ZNF652: variants seen among roughly 807,000 people sequenced by gnomAD.
The protein encoded by ZNF652 is zinc finger protein 652.
Under a neutral mutation model 45.2 loss-of-function variants are expected in ZNF652, and 16 were observed. That is an observed-to-expected ratio of 0.35 (90% CI 0.24 to 0.54). The LOEUF (loss-of-function observed/expected upper bound fraction) is 0.54. Ranked by LOEUF, ZNF652 falls within the 20% of genes least tolerant of loss-of-function variation. The pLI, the probability that ZNF652 is intolerant of heterozygous loss-of-function variation, is 0.91. For missense variants in ZNF652, 614 were observed against 765.6 expected (o/e 0.80, Z 2.34); for synonymous variants, 250 against 260.6 (o/e 0.96, Z 0.39).
At chr17:49,353,034 G>GTTCC (rs1730767821) in intron 1 of ZNF652, among the ~76,000 whole-genome samples, 1 of 152,166 alleles carries the variant, frequency 6.6e-6, no homozygotes, top group Non-Finnish European at 1.5e-5. Flanking sequence ...TCCGTGTCCT[G>GTTCC]GCTGTGGTGG....
Position 49,297,041 on chromosome 17 carries a change from A to T in ZNF652, c.*1372T>A, listed in dbSNP as rs917437775. ...AATTTGCAGAGGACAGGGCAGTAAAACTTAGGAGTTTTCCCTCACTATATT... is the reference window on the plus strand; with the variant it reads ...AATTTGCAGAGGACAGGGCAGTAAATCTTAGGAGTTTTCCCTCACTATATT... On this transcript the variant is annotated 3_prime_UTR_variant, in exon 6 of 6. Coordinates refer to ENST00000430262, the MANE Select transcript of ZNF652 (RefSeq NM_001145365.3). 1 of 152,162 alleles carries T rather than the reference A, an allele frequency of 6.6e-6. No individual in the cohort carries two copies. The highest frequency in any genetic ancestry group is 1.5e-5 in the Non-Finnish European group (1 of 68,030). 9.4% of individuals were successfully genotyped at this position (152,162 alleles called of 1,614,324 possible).
chr17:49,349,176 T>A (rs1197404198), intron 1 of ZNF652, among the ~76,000 whole-genome samples: 1 of 152,206 alleles, frequency 6.6e-6, no homozygotes, highest in East Asian at 1.9e-4. Context: ...ACGCCTGTAA[T>A]CCCAGTACTT....
rs1462574826 is a variant in ZNF652 at position 49,292,504 on chromosome 17, C to T, written c.*5909G>A. On this transcript the variant is annotated 3_prime_UTR_variant, in exon 6 of 6. Coordinates refer to ENST00000430262, the MANE Select transcript of ZNF652 (RefSeq NM_001145365.3). The stretch of plus-strand genomic sequence containing the variant: ...CATGAGAGAGCAGAAACCCAGGGAG[C>T]AATTTTAAATTAATTTGACTAAAAT... Among the ~76,000 whole-genome samples the T allele has an allele frequency of 6.6e-6, 1 of 152,050 alleles. No homozygotes were observed. Among genetic ancestry groups the T allele is most frequent in the African/African-American group, 2.4e-5 (1 of 41,392 alleles).
chr17:49,356,998 A>T (rs867016413), intron 1 of ZNF652, among the ~76,000 whole-genome samples: 275 of 118,948 alleles, frequency 2.3e-3, no homozygotes, highest in African/African-American at 5.5e-3. Flanking sequence ...ACTATGTTTT[A>T]AAAAAAAAAA....
intron 1 of ZNF652, among the ~76,000 whole-genome samples, chr17:49,359,942 C>A (rs571680641): frequency 6.6e-6 from 1 of 152,316 alleles, no homozygotes; most frequent in South Asian, 2.1e-4. Flanking sequence ...AGATCAACTT[C>A]AGCCAACGCA....
chr17:49,317,612 A>G lies in ZNF652; in HGVS notation c.114T>C (p.His38=). The G allele has an allele frequency of 6.2e-7, 1 of 1,614,142 alleles. No homozygotes were observed. The highest frequency in any genetic ancestry group is 1.1e-5 in the South Asian group (1 of 91,080). Residue 38 remains histidine (H), a synonymous_variant, in exon 2 of 6, where the codon CAT becomes CAC. Coordinates refer to ENST00000430262, the MANE Select transcript of ZNF652 (RefSeq NM_001145365.3). ...ACAGGTCAAGTTCTTGGTTGGCACCATGATAAAAGGAAGATGGCACTTGAC... is the reference window on the plus strand; with the variant it reads ...ACAGGTCAAGTTCTTGGTTGGCACCGTGATAAAAGGAAGATGGCACTTGAC... The part of the protein sequence containing the change: ...RRGQVPSSFY[H]GANQELDLST...
chr17:49,333,582 T>C (rs1598305326), intron 1 of ZNF652, among the ~76,000 whole-genome samples: 1 of 113,280 alleles, frequency 8.8e-6, no homozygotes, highest in Non-Finnish European at 1.8e-5. Context: ...TACCCAGGTG[T>C]GGTGGCGGGT....
chr17:49,340,870 G>A (rs199506842), intron 1 of ZNF652, among the ~76,000 whole-genome samples: 4 of 152,078 alleles, frequency 2.6e-5, no homozygotes, highest in Non-Finnish European at 4.4e-5. Context: ...AACATTTGGG[G>A]CCTGGGCCAC....
At chr17:49,333,625 C>G (rs2070049397) in intron 1 of ZNF652, among the ~76,000 whole-genome samples, 1 of 135,158 alleles carries the variant, frequency 7.4e-6, no homozygotes, top group Admixed American at 8.1e-5. Flanking sequence ...GAGGCTGAGG[C>G]AGAAGAATGG....
At chr17:49,301,568 G>A (rs542629204) in intron 5 of ZNF652, among the ~76,000 whole-genome samples, 2 of 152,228 alleles carry the variant, frequency 1.3e-5, no homozygotes, top group South Asian at 4.1e-4. Context: ...AAAGTGCTGG[G>A]ATTACAGGTG....
chr17:49,358,443 G>A (rs2070360166), intron 1 of ZNF652, among the ~76,000 whole-genome samples: 2 of 152,114 alleles, frequency 1.3e-5, no homozygotes, highest in South Asian at 4.1e-4. Flanking sequence ...AGTTTTAAAG[G>A]CTATGGTTCA....
intron 1 of ZNF652, among the ~76,000 whole-genome samples, chr17:49,326,948 G>C (rs1598301899): frequency 6.6e-6 from 1 of 152,156 alleles, no homozygotes; most frequent in East Asian, 1.9e-4. Context: ...TAGACTTTGA[G>C]CCTGATGCCA....
chr17:49,300,629 C>T (rs889053360), intron 5 of ZNF652, among the ~76,000 whole-genome samples: 23 of 152,094 alleles, frequency 1.5e-4, no homozygotes, highest in East Asian at 1.9e-4. Context: ...GTGAACCATA[C>T]GCTTGTACTG....
chr17:49,327,740 T>A (rs1023845742), intron 1 of ZNF652, among the ~76,000 whole-genome samples: 18 of 3,738 alleles, frequency 4.8e-3, no homozygotes, highest in Admixed American at 5.1e-3. Context: ...AATATATATA[T>A]ATATATATAT....
intron 2 of ZNF652, among the ~76,000 whole-genome samples, chr17:49,315,500 G>A (rs537035590): frequency 6.6e-6 from 1 of 151,100 alleles, no homozygotes; most frequent in African/African-American, 2.4e-5. Context: ...GAATCGTGAG[G>A]AAAGTCACAC....
At chr17:49,357,037 G>A (rs1196654152) in intron 1 of ZNF652, among the ~76,000 whole-genome samples, 2 of 150,082 alleles carry the variant, frequency 1.3e-5, no homozygotes, top group African/African-American at 2.5e-5. Context: ...AGTGGCTCAC[G>A]CCTGTAATCC....
rs573562266 is a variant in ZNF652, at chr17:49,325,636, G to T, written c.-258-7653C>A. Among the ~76,000 whole-genome samples, 15 of 151,128 alleles carry T rather than the reference G, an allele frequency of 9.9e-5. No homozygotes were observed. In the South Asian group the frequency reaches 3.2e-3, roughly 32 times the overall value. ...GGTAGGCCTTCAGCCTGGGCAACAT[G>T]GTGAGATCTCGTCTCTACAAAAAAA... On this transcript the variant is annotated intron_variant, in intron 1 of 5. Coordinates refer to ENST00000430262, the MANE Select transcript of ZNF652 (RefSeq NM_001145365.3).
chr17:49,298,765 T>C lies in ZNF652; in HGVS notation c.1469A>G (p.Lys490Arg), dbSNP rs141649523. The change falls in exon 6 of 6, where the codon AAG (lysine) becomes AGG (arginine). Residue 490 changes from lysine to arginine, a missense_variant. Coordinates refer to ENST00000430262, the MANE Select transcript of ZNF652 (RefSeq NM_001145365.3). ...CACGGGGCTGGTCACCCGAAAGCACTTCTCCTTGTGGGCCTTAAGCATGTT... is the reference window on the plus strand; with the variant it reads ...CACGGGGCTGGTCACCCGAAAGCACCTCTCCTTGTGGGCCTTAAGCATGTT... ...FSNMLKAHKEKCFRVTSPVNV... is the reference protein window; with the variant it reads ...FSNMLKAHKERCFRVTSPVNV... 13 of 1,613,956 alleles carry C rather than the reference T, an allele frequency of 8.1e-6. No homozygotes were observed. The highest frequency in any genetic ancestry group is 1.1e-5 in the Non-Finnish European group (13 of 1,180,016).
intron 1 of ZNF652, among the ~76,000 whole-genome samples, chr17:49,351,014 TACACACACACACAC>T (rs370792940): frequency 0.016 from 472 of 29,550 alleles, 11 homozygotes; most frequent in South Asian, 0.1. Flanking sequence ...TATATATATA[TACACACACACACAC>T]ACACACACAC....
Sources: allele counts gnomAD v4.1 joint callset (sites outside exome capture counted in the v4.1 genomes callset), GRCh38; gene constraint gnomAD v4.1.1; transcripts MANE v1.5; gene names NCBI Gene and HGNC (gene_info 2026-07-23, HGNC 2026-07-21).